The following BCL11B variants were observed in gnomAD, a reference collection of about 807,000 sequenced individuals.
The protein encoded by BCL11B is BCL11 transcription factor B, also known as B-cell lymphoma/leukemia 11B.
BCL11B carries 8 observed loss-of-function variants against 49.9 expected under a neutral mutation model. The observed-to-expected ratio is 0.16, with a 90% CI of 0.09 to 0.29. The LOEUF is 0.29. BCL11B is among the 10% of genes least tolerant of loss of function. BCL11B has a pLI of 1.00. For missense variants in BCL11B, 1,006 were observed against 1,351.0 expected, an observed-to-expected ratio of 0.74 and a Z score of 4.00; for synonymous variants, 739 against 637.4, an observed-to-expected ratio of 1.16 and a Z score of -2.40.
intron 3 of BCL11B, among the ~76,000 whole-genome samples, chr14:99,229,911 A>G (rs534641283): frequency 6.6e-6 from 1 of 152,180 alleles, no homozygotes; most frequent in Non-Finnish European, 1.5e-5. Flanking sequence ...GATCTACTGA[A>G]CCAGGACAGG....
intron 3 of BCL11B, among the ~76,000 whole-genome samples, chr14:99,202,337 A>G (rs894781250): frequency 3.9e-5 from 6 of 152,176 alleles, no homozygotes; most frequent in African/African-American, 1.4e-4. Flanking sequence ...AAAGCTCTGC[A>G]TGCTGTAGGA....
chr14:99,246,213 C>T (rs982366869), intron 2 of BCL11B, among the ~76,000 whole-genome samples: 2 of 152,216 alleles, frequency 1.3e-5, no homozygotes, highest in Admixed American at 1.3e-4. Context: ...AGCGCGCCTT[C>T]CCAGCGAGGC....
At chr14:99,225,077 C>T (rs895728397) in intron 3 of BCL11B, among the ~76,000 whole-genome samples, 3 of 152,190 alleles carry the variant, frequency 2.0e-5, no homozygotes, top group African/African-American at 7.2e-5. Context: ...CTACCAATCT[C>T]ATTGCAGGGT....
At chr14:99,176,294 T>C in intron 3 of BCL11B, 99 bp from the exon 4 acceptor site, 1 of 1,138,858 alleles carries the variant, frequency 8.8e-7, no homozygotes, top group East Asian at 2.8e-5. Flanking sequence ...CGGCCCGGGC[T>C]GATCCGGGAT....
At chr14:99,203,355 G>A (rs1316757341) in intron 3 of BCL11B, among the ~76,000 whole-genome samples, 1 of 152,204 alleles carries the variant, frequency 6.6e-6, no homozygotes, top group African/African-American at 2.4e-5. Context: ...GATCTCACTT[G>A]ACCCCTGAGA....
At chr14:99,197,012 C>A (rs1385422794) in intron 3 of BCL11B, among the ~76,000 whole-genome samples, 1 of 152,138 alleles carries the variant, frequency 6.6e-6, no homozygotes, top group East Asian at 1.9e-4. Context: ...GAACCTGGCC[C>A]GAAGGTTTCA....
intron 2 of BCL11B, among the ~76,000 whole-genome samples, chr14:99,253,973 T>G (rs1403337636): frequency 6.6e-6 from 1 of 152,174 alleles, no homozygotes; most frequent in Non-Finnish European, 1.5e-5. Context: ...TGAAACAAAT[T>G]TCCAAGGACC....
At chr14:99,267,203 T>C (rs371095182) in intron 1 of BCL11B, among the ~76,000 whole-genome samples, 3 of 151,780 alleles carry the variant, frequency 2.0e-5, no homozygotes, top group Admixed American at 2.0e-4. Context: ...TTTTCTGTTA[T>C]GAAATATTTC....
intron 3 of BCL11B, among the ~76,000 whole-genome samples, chr14:99,220,851 A>T (rs909354058): frequency 5.9e-5 from 9 of 151,978 alleles, no homozygotes; most frequent in East Asian, 1.9e-4. Context: ...TTTTTATTTT[A>T]TTTATTTTTT....
At chr14:99,230,408 C>A (rs553268052) in intron 3 of BCL11B, among the ~76,000 whole-genome samples, 1 of 152,346 alleles carries the variant, frequency 6.6e-6, no homozygotes, top group Non-Finnish European at 1.5e-5. Flanking sequence ...CCTGCCCCTG[C>A]CACAGAAACC....
At chr14:99,186,864 T>C (rs1886868510) in intron 3 of BCL11B, among the ~76,000 whole-genome samples, 1 of 152,214 alleles carries the variant, frequency 6.6e-6, no homozygotes, top group African/African-American at 2.4e-5. Flanking sequence ...CCCAAGCTGC[T>C]TTCCATAAGG....
intron 1 of BCL11B, chr14:99,264,064 G>A (rs1048903349): frequency 2.6e-5 from 4 of 152,202 alleles, no homozygotes; most frequent in Admixed American, 1.3e-4. Context: ...GGCTCCTAAC[G>A]ATGTGATAAA....
chr14:99,172,975 G>A lies in BCL11B; in HGVS notation c.*1176C>T, dbSNP rs1886339866. 1.4e-5 allele frequency: 3 copies of A among 210,618 alleles called. No homozygotes were observed. The highest frequency in any genetic ancestry group is 1.2e-4 in the Admixed American group (2 of 16,896). 13.0% of individuals were successfully genotyped at this position (210,618 alleles called of 1,614,324 possible). ...CACCCATCCCTACAATATCATCAGT[G>A]TGCATTAAATGAGAGAACACTAACT... On this transcript the variant is annotated 3_prime_UTR_variant, in exon 4 of 4. Coordinates refer to ENST00000357195, the MANE Select transcript of BCL11B (RefSeq NM_138576.4).
chr14:99,189,694 C>A (rs759357157), intron 3 of BCL11B, among the ~76,000 whole-genome samples: 1 of 152,016 alleles, frequency 6.6e-6, no homozygotes, highest in Admixed American at 6.5e-5. Context: ...CCCATGAGGG[C>A]AGGATAAAGG....
rs376169292 is a variant in BCL11B at position 99,176,209 on chromosome 14, C to G, written c.641-14G>C. The G allele has an allele frequency of 3.7e-6, 6 of 1,606,994 alleles. No individual in the cohort carries two copies. In the Admixed American group the frequency reaches 8.4e-5, roughly 22 times the overall value. The stretch of plus-strand genomic sequence containing the variant: ...GCTCATCTTTACCTGGGGAAACACA[C>G]GGACAGAAAGGCAGAGACAGCGTGA... On this transcript the variant is annotated splice_polypyrimidine_tract_variant and intron_variant, in intron 3 of 3. Transcript: ENST00000357195.
rs978304353 is a variant in BCL11B, at chr14:99,174,577, G to A, written c.2259C>T (p.Ser753=). The A allele has an allele frequency of 6.6e-6, 10 of 1,521,544 alleles. No homozygotes were observed. Among genetic ancestry groups the A allele is most frequent in the Non-Finnish European group, 7.9e-6 (9 of 1,137,440 alleles). The allele number at this position is 1,521,544 out of a possible 1,614,324, so 94.3% of individuals were successfully genotyped here. A position where few individuals can be genotyped will look rare whatever the true frequency, so the allele number is the denominator to read the frequency against. Residue 753 remains serine, a synonymous_variant, in exon 4 of 4, where the codon TCC becomes TCT. Coordinates refer to ENST00000357195, the MANE Select transcript of BCL11B (RefSeq NM_138576.4). ...HSSENGSLRF[S]TPPGDLLDGG... is the part of the protein sequence containing the mutation. ...CGTCCAGCAGGTCCCCGGGCGGCGTGGAGAAGCGCAGGCTGCCGTTCTCGG... is the reference window on the plus strand; with the variant it reads ...CGTCCAGCAGGTCCCCGGGCGGCGTAGAGAAGCGCAGGCTGCCGTTCTCGG...
chr14:99,250,981 C>G (rs375540669), intron 2 of BCL11B, among the ~76,000 whole-genome samples: 14 of 152,138 alleles, frequency 9.2e-5, no homozygotes, highest in African/African-American at 2.9e-4. Flanking sequence ...ACACTCTTGA[C>G]TCTGGTTTGC....
In BCL11B at chr14:99,172,037, CTT is replaced by C. The variant is rs1054580762; in HGVS notation, c.*2112_*2113del. On this transcript the variant is annotated 3_prime_UTR_variant, in exon 4 of 4. Coordinates refer to ENST00000357195, the MANE Select transcript of BCL11B (RefSeq NM_138576.4). ...ATTTTTGTATAACCTATTAAGCAAA[CTT>C]TGAAAAAAAAAGATCGCTCCAACAC... The C allele has an allele frequency of 4.7e-5, 10 of 211,740 alleles. No individual in the cohort carries two copies. The Admixed American group carries it at 5.3e-4, about 11-fold the overall frequency. 13.1% of individuals were successfully genotyped at this position (211,740 alleles called of 1,614,324 possible).
rs141265428 is a variant in BCL11B, at chr14:99,242,680, T to C, written c.428-11123A>G. 3.0e-4 allele frequency among the ~76,000 whole-genome samples: 46 copies of C among 152,360 alleles called. No homozygotes were observed. Among genetic ancestry groups the C allele is most frequent in the Non-Finnish European group, 4.9e-4 (33 of 68,034 alleles). ...CAAATACATAAAGAAAGCTTCTGTATTTCCTAACTAACAAGACTAATCCAG... is the reference window on the plus strand; with the variant it reads ...CAAATACATAAAGAAAGCTTCTGTACTTCCTAACTAACAAGACTAATCCAG... On this transcript the variant is annotated intron_variant, in intron 2 of 3. Transcript: ENST00000357195. The surrounding 1 kb of genome is among the most constrained non-coding windows in gnomAD (Gnocchi z 4.4).
Sources: allele counts gnomAD v4.1 joint callset (sites outside exome capture counted in the v4.1 genomes callset), GRCh38; gene constraint gnomAD v4.1.1; non-coding constraint Gnocchi (gnomAD v3.1); transcripts MANE v1.5; gene names NCBI Gene and HGNC (gene_info 2026-07-23, HGNC 2026-07-21).